The following SLC16A7 variants were observed in gnomAD, a reference collection of about 807,000 sequenced individuals.
SLC16A7 encodes the protein solute carrier family 16 member 7.
Under a neutral mutation model 34.9 loss-of-function variants are expected in SLC16A7, and 33 were observed. That is an observed-to-expected ratio of 0.94 (90% CI 0.72 to 1.26). SLC16A7 has a LOEUF of 1.26. Among genes scored for constraint, SLC16A7 ranks in the 50% most tolerant of loss-of-function variants. The pLI is 0.00. For missense variants in SLC16A7, 573 were observed against 578.1 expected (o/e 0.99, Z 0.09); for synonymous variants, 201 against 206.6 (o/e 0.97, Z 0.23).
intron 2 of SLC16A7, among the ~76,000 whole-genome samples, chr12:59,663,805 T>C (rs766513722): frequency 6.6e-6 from 1 of 152,114 alleles, no homozygotes. Context: ...TTTGGTTTAT[T>C]TGGTTAAGTA....
At chr12:59,677,626 A>T (rs1446881385) in intron 2 of SLC16A7, among the ~76,000 whole-genome samples, 1 of 152,156 alleles carries the variant, frequency 6.6e-6, no homozygotes. Context: ...CTGTTTTGTC[A>T]TGGCTTTTCT....
rs1184491727 is a variant in SLC16A7 at position 59,603,871 on chromosome 12, G to A, written c.-130+7635G>A. Among the ~76,000 whole-genome samples the A allele has an allele frequency of 4.6e-5, 7 of 152,134 alleles. No individual in the cohort carries two copies. In the South Asian group the frequency reaches 8.3e-4, roughly 18 times the overall value. ...CTATTATTTAAGTGTACACACTGAGGCAGACTGTTCTTTTAAAGGCAGTTC... is the reference window on the plus strand; with the variant it reads ...CTATTATTTAAGTGTACACACTGAGACAGACTGTTCTTTTAAAGGCAGTTC... On this transcript the variant is annotated intron_variant, in intron 1 of 5. Transcript: ENST00000547379.
At chr12:59,737,071 C>G (rs562513140) in intron 3 of SLC16A7, among the ~76,000 whole-genome samples, 71 of 152,284 alleles carry the variant, frequency 4.7e-4, no homozygotes, top group African/African-American at 1.7e-3. Flanking sequence ...CACCGGCTCT[C>G]AAGACTCAGA....
chr12:59,733,949 T>C, intron 3 of SLC16A7: 1 of 404,350 alleles, frequency 2.5e-6, no homozygotes, highest in Non-Finnish European at 5.0e-6. Context: ...GAGTCTGGGG[T>C]TTTTAAGGGG....
In SLC16A7 at chr12:59,596,851, G is replaced by C. The variant is rs1878430283; in HGVS notation, c.-130+615G>C. On this transcript the variant is annotated intron_variant, in intron 1 of 5. Transcript: ENST00000547379. This position sits in a 1 kb window ranked among gnomAD's most constrained non-coding sequence, Gnocchi z 5.0. The stretch of plus-strand genomic sequence containing the variant: ...GTCTTTCTTCATTTTTGGTCCCCAG[G>C]AAGGATGGCAGGGGTGGAAGCAGAT... Among the ~76,000 whole-genome samples, 1 of 152,204 alleles carries C rather than the reference G, an allele frequency of 6.6e-6. No individual in the cohort carries two copies. The highest frequency in any genetic ancestry group is 6.5e-5 in the Admixed American group (1 of 15,282).
chr12:59,732,297 G>T (rs950789506), intron 3 of SLC16A7, among the ~76,000 whole-genome samples: 1 of 152,082 alleles, frequency 6.6e-6, no homozygotes, highest in Non-Finnish European at 1.5e-5. Flanking sequence ...GCACATGCCT[G>T]AAATCCCAGC....
rs201840996 is a variant in SLC16A7 at position 59,774,685 on chromosome 12, C to T, written c.390C>T (p.Pro130=). Residue 130 remains proline (P), a synonymous_variant, in exon 5 of 6, where the codon CCC becomes CCT. Transcript: ENST00000547379. The stretch of plus-strand genomic sequence containing the variant: ...TAGGTTTAGCCTTCAACCTGCAACC[C>T]GCCTTAACCATAATTGGCAAATACT... ...TGLGLAFNLQ[P]ALTIIGKYFY... is the part of the protein sequence containing the mutation. 124 of 1,593,570 alleles carry T rather than the reference C, an allele frequency of 7.8e-5. No individual in the cohort carries two copies. Among genetic ancestry groups the T allele is most frequent in the African/African-American group, 7.7e-4 (57 of 73,870 alleles).
chr12:59,747,642 A>T (rs781139843), intron 3 of SLC16A7, among the ~76,000 whole-genome samples: 2 of 152,194 alleles, frequency 1.3e-5, no homozygotes, highest in Non-Finnish European at 2.9e-5. Context: ...TAAAGCAAAC[A>T]ATACTGTCAA....
chr12:59,627,816 A>C (rs981131631), intron 1 of SLC16A7, among the ~76,000 whole-genome samples: 7 of 151,226 alleles, frequency 4.6e-5, no homozygotes, highest in Non-Finnish European at 8.9e-5. Context: ...CTAGGCCTAC[A>C]ACTTGTTGCC....
intron 3 of SLC16A7, among the ~76,000 whole-genome samples, chr12:59,755,085 T>C (rs544432296): frequency 6.6e-6 from 1 of 152,248 alleles, no homozygotes; most frequent in Non-Finnish European, 1.5e-5. Context: ...TCTCAATAAA[T>C]TAGGTATTGA....
intron 3 of SLC16A7, among the ~76,000 whole-genome samples, chr12:59,735,185 T>C (rs575352459): frequency 6.6e-6 from 1 of 152,346 alleles, no homozygotes; most frequent in South Asian, 2.1e-4. Flanking sequence ...ATTTAACTTC[T>C]ACCTCGAAGA....
chr12:59,753,176 G>A (rs971986301), intron 3 of SLC16A7, among the ~76,000 whole-genome samples: 3 of 152,158 alleles, frequency 2.0e-5, no homozygotes, highest in African/African-American at 7.2e-5. Context: ...GTCCATCGAG[G>A]CTAGGAAGAA....
chr12:59,682,339 C>T (rs1413368108), intron 2 of SLC16A7, among the ~76,000 whole-genome samples: 3 of 152,022 alleles, frequency 2.0e-5, no homozygotes, highest in African/African-American at 7.2e-5. Context: ...GGACAGAAGA[C>T]TATTATAAAA....
intron 3 of SLC16A7, among the ~76,000 whole-genome samples, chr12:59,742,173 G>T (rs1878422392): frequency 1.3e-5 from 2 of 152,162 alleles, no homozygotes; most frequent in South Asian, 4.1e-4. Flanking sequence ...TTGCACACAT[G>T]TGCATCTGAG....
In SLC16A7 at chr12:59,770,622, G is replaced by A. The variant is rs111727731; in HGVS notation, c.218-597G>A. Reference sequence around the variant, plus strand: ...GATAACAACATTACTACCTATGACTGCCTCTTGATGAACCTATATTGGAAA... The same window carrying A: ...GATAACAACATTACTACCTATGACTACCTCTTGATGAACCTATATTGGAAA... On this transcript the variant is annotated intron_variant, in intron 3 of 5. Transcript: ENST00000547379. Among the ~76,000 whole-genome samples the A allele has an allele frequency of 4.2e-3, 637 of 152,210 alleles. 9 individuals are homozygous for A. The highest frequency in any genetic ancestry group is 0.024 in the South Asian group (117 of 4,832).
At chr12:59,777,532 A>G (rs1358784798) in intron 5 of SLC16A7, among the ~76,000 whole-genome samples, 1 of 152,084 alleles carries the variant, frequency 6.6e-6, no homozygotes, top group African/African-American at 2.4e-5. Context: ...AAAGAATTGA[A>G]GCTTTAGTTC....
At chr12:59,614,632 T>A (rs1879352162) in intron 1 of SLC16A7, among the ~76,000 whole-genome samples, 1 of 151,164 alleles carries the variant, frequency 6.6e-6, no homozygotes, top group African/African-American at 2.4e-5. Context: ...TCGGGACCAG[T>A]AAGAGGTGAT....
chr12:59,616,652 G>A (rs1879464985), intron 1 of SLC16A7, among the ~76,000 whole-genome samples: 1 of 152,132 alleles, frequency 6.6e-6, no homozygotes, highest in South Asian at 2.1e-4. Flanking sequence ...AGCTGTTTGT[G>A]AGGGTAAAAA....
rs1414238984 is a variant in SLC16A7, at chr12:59,783,953, A to T, written c.*4274A>T. On this transcript the variant is annotated 3_prime_UTR_variant, in exon 6 of 6. Transcript: ENST00000547379. Reference sequence around the variant, plus strand: ...CTCTGCCTCCCAAAGTGCTGGGATTACAGGCGTGAGCCACTGCGCCCAGCC... The same window carrying T: ...CTCTGCCTCCCAAAGTGCTGGGATTTCAGGCGTGAGCCACTGCGCCCAGCC... The T allele has an allele frequency of 6.6e-6, 1 of 152,200 alleles. No homozygotes were observed. Among genetic ancestry groups the T allele is most frequent in the Non-Finnish European group, 1.5e-5 (1 of 68,074 alleles). 9.4% of individuals were successfully genotyped at this position (152,200 alleles called of 1,614,324 possible).
Sources: allele counts gnomAD v4.1 joint callset (sites outside exome capture counted in the v4.1 genomes callset), GRCh38; gene constraint gnomAD v4.1.1; non-coding constraint Gnocchi (gnomAD v3.1); transcripts MANE v1.5; gene names NCBI Gene and HGNC (gene_info 2026-07-23, HGNC 2026-07-21).